Variants in CDYL observed in about 807,000 individuals in gnomAD.
CDYL encodes chromodomain Y-like protein.
In CDYL, 8 loss-of-function variants were observed where a neutral mutation model predicts 47.3. The observed-to-expected ratio is 0.17, with a 90% CI of 0.10 to 0.31. The LOEUF (loss-of-function observed/expected upper bound fraction) is 0.31. Among genes scored for constraint, CDYL ranks in the 10% least tolerant of loss-of-function variants. CDYL has a pLI of 1.00. For synonymous variants in CDYL, 266 were observed against 265.0 expected (o/e 1.00, Z -0.04); for missense variants, 471 against 701.4 (o/e 0.67, Z 3.71).
At chr6:4,873,852 C>T (rs1270387173) in intron 1 of CDYL, among the ~76,000 whole-genome samples, 1 of 152,216 alleles carries the variant, frequency 6.6e-6, no homozygotes, top group Non-Finnish European at 1.5e-5. Flanking sequence ...GACACCTTCA[C>T]ATGCGCCGCA....
intron 2 of CDYL, among the ~76,000 whole-genome samples, chr6:4,900,827 A>ATATATATATATATATATATATC (rs1757025323): frequency 1.2e-5 from 1 of 85,994 alleles, no homozygotes; most frequent in Non-Finnish European, 2.5e-5. Context: ...ATATATATAT[A>ATATATATATATATATATATATC]TATCTTGCCT....
chr6:4,832,579 T>C (rs1444038002), intron 1 of CDYL, among the ~76,000 whole-genome samples: 2 of 151,162 alleles, frequency 1.3e-5, no homozygotes, highest in African/African-American at 2.5e-5. Context: ...ATCAGAATGA[T>C]GCTGGCCTCA....
chr6:4,813,575 T>G (rs1759586149), intron 1 of CDYL, among the ~76,000 whole-genome samples: 1 of 152,248 alleles, frequency 6.6e-6, no homozygotes, highest in African/African-American at 2.4e-5. Context: ...ATTATGTGTT[T>G]AGGATGTGTA....
At chr6:4,742,776 T>C (rs1478106622) in intron 3 of CDYL, among the ~76,000 whole-genome samples, 1 of 152,224 alleles carries the variant, frequency 6.6e-6, no homozygotes, top group African/African-American at 2.4e-5. Context: ...TCAGGGGTTT[T>C]TCCTTGTCAG....
chr6:4,876,161 T>C (rs904627787), intron 1 of CDYL, among the ~76,000 whole-genome samples: 2 of 152,202 alleles, frequency 1.3e-5, no homozygotes, highest in African/African-American at 2.4e-5. Context: ...TATACAGTAG[T>C]TTTTGTTCTA....
chr6:4,831,272 G>A (rs2127453811), intron 1 of CDYL, among the ~76,000 whole-genome samples: 1 of 152,220 alleles, frequency 6.6e-6, no homozygotes, highest in East Asian at 1.9e-4. Context: ...GTAAGGAAGG[G>A]ATCCAGTTTC....
chr6:4,878,394 G>T lies in CDYL; in HGVS notation c.25-13319G>T, dbSNP rs1311830322. On this transcript the variant is annotated intron_variant, in intron 1 of 6. Transcript: ENST00000397588. ...GTGTGTAGAGGTTTGGGAGAAATTT[G>T]TGTGTGTGTAACATTTTAATATATT... 2.6e-5 allele frequency among the ~76,000 whole-genome samples: 4 copies of T among 151,718 alleles called. No homozygotes were observed. In the East Asian group the frequency reaches 7.7e-4, roughly 29 times the overall value.
At chr6:4,934,028 G>A (rs1327509399) in intron 2 of CDYL, among the ~76,000 whole-genome samples, 2 of 152,328 alleles carry the variant, frequency 1.3e-5, no homozygotes, top group East Asian at 3.9e-4. Context: ...GTAACAATGT[G>A]TATATCTTAT....
chr6:4,819,610 A>G (rs944090029), intron 1 of CDYL, among the ~76,000 whole-genome samples: 2 of 152,116 alleles, frequency 1.3e-5, no homozygotes, highest in Non-Finnish European at 2.9e-5. Context: ...CAGGTCAGAG[A>G]GGTTACTAGT....
At chr6:4,940,261 T>C (rs1277588776) in intron 4 of CDYL, among the ~76,000 whole-genome samples, 1 of 152,280 alleles carries the variant, frequency 6.6e-6, no homozygotes, top group Non-Finnish European at 1.5e-5. Context: ...CTTCTTTATG[T>C]GACTATATTT....
At chr6:4,823,747 C>G (rs561417802) in intron 1 of CDYL, among the ~76,000 whole-genome samples, 48 of 152,300 alleles carry the variant, frequency 3.2e-4, no homozygotes, top group African/African-American at 1.1e-3. Flanking sequence ...CGTAACCTAA[C>G]ATTTGCCATT....
intron 1 of CDYL, among the ~76,000 whole-genome samples, chr6:4,707,881 A>G (rs1486862695): frequency 6.6e-6 from 1 of 152,114 alleles, no homozygotes; most frequent in African/African-American, 2.4e-5. Flanking sequence ...TACAAATTCA[A>G]TCATGTAGTA....
At chr6:4,896,961 T>C (rs992088567) in intron 2 of CDYL, among the ~76,000 whole-genome samples, 1 of 150,632 alleles carries the variant, frequency 6.6e-6, no homozygotes, top group Non-Finnish European at 1.5e-5. Flanking sequence ...GTGTTTGCTT[T>C]TTAATTATTT....
intron 1 of CDYL, among the ~76,000 whole-genome samples, chr6:4,707,669 G>A (rs1264381763): frequency 1.3e-5 from 2 of 152,152 alleles, no homozygotes; most frequent in African/African-American, 2.4e-5. Context: ...TAAAATGTGT[G>A]CATTTTATCA....
intron 1 of CDYL, among the ~76,000 whole-genome samples, chr6:4,853,397 C>T (rs1020973766): frequency 1.3e-5 from 2 of 152,212 alleles, no homozygotes; most frequent in Admixed American, 6.5e-5. Context: ...ATGGCAGAGC[C>T]TGCATCTGAA....
intron 2 of CDYL, among the ~76,000 whole-genome samples, chr6:4,716,834 G>C (rs2137686): frequency 0.5 from 76,340 of 151,914 alleles, 20,821 homozygotes; most frequent in South Asian, 0.67. Flanking sequence ...CAATGAGCAA[G>C]ACAAAGACAC....
intron 1 of CDYL, among the ~76,000 whole-genome samples, chr6:4,785,766 T>G (rs1413949008): frequency 6.6e-6 from 1 of 152,208 alleles, no homozygotes; most frequent in Non-Finnish European, 1.5e-5. Flanking sequence ...ATTATGTACT[T>G]GGACTTGACT....
In CDYL at chr6:4,769,943, A is replaced by C. The variant is rs371204202; in HGVS notation, c.186+35099A>C. 2.7e-5 allele frequency among the ~76,000 whole-genome samples: 4 copies of C among 149,396 alleles called. No individual in the cohort carries two copies. In the South Asian group the frequency reaches 6.4e-4, roughly 24 times the overall value. On this transcript the variant is annotated intron_variant, in intron 3 of 8. Transcript: ENST00000328908. ...TCCCAAGTAGCGGGGACTACAGGCG[A>C]CCGCCACCACGCCCGGCTAATTTGT...
At chr6:4,914,135 C>T (rs1425916297) in intron 2 of CDYL, among the ~76,000 whole-genome samples, 1 of 151,576 alleles carries the variant, frequency 6.6e-6, no homozygotes, top group East Asian at 1.9e-4. Flanking sequence ...GGTCTTAGGC[C>T]CTGTGTGTCT....
Sources: allele counts gnomAD v4.1 joint callset (sites outside exome capture counted in the v4.1 genomes callset), GRCh38; gene constraint gnomAD v4.1.1; transcripts MANE v1.5; gene names NCBI Gene and HGNC (gene_info 2026-07-23, HGNC 2026-07-21).